Variants in FAXC observed in about 807,000 individuals in gnomAD.
FAXC encodes failed axon connections homolog.
FAXC carries 10 observed loss-of-function variants against 41.9 expected under a neutral mutation model. The observed-to-expected ratio is 0.24, with a 90% CI of 0.15 to 0.41. The LOEUF is 0.41. FAXC is among the 10% of genes least tolerant of loss of function. FAXC has a pLI of 1.00. For synonymous variants in FAXC, 183 were observed against 183.8 expected (o/e 1.00, Z 0.03); for missense variants, 399 against 510.9 (o/e 0.78, Z 2.11).
chr6:99,342,827 C>G, intron 2 of FAXC, 71 bp downstream of exon 2: 2 of 1,441,550 alleles, frequency 1.4e-6, no homozygotes, highest in Non-Finnish European at 9.3e-7. Flanking sequence ...ACGAAATATT[C>G]CCCCCTTTAG....
rs1770461064 is a variant in FAXC, at chr6:99,272,807, T to C, written c.*8357A>G. The stretch of plus-strand genomic sequence containing the variant: ...TCCCAGTCATCTAAGAGACCACCAC[T>C]TAACAGTATATTAGATGCAAACATT... On this transcript the variant is annotated 3_prime_UTR_variant, in exon 6 of 6. Coordinates refer to ENST00000389677, the MANE Select transcript of FAXC (RefSeq NM_032511.4). 4 of 152,324 alleles carry C rather than the reference T, an allele frequency of 2.6e-5. No individual in the cohort carries two copies. The South Asian group carries it at 8.3e-4, about 32-fold the overall frequency. 9.4% of individuals were successfully genotyped at this position (152,324 alleles called of 1,614,324 possible).
rs1237015448 is a variant in FAXC at position 99,276,166 on chromosome 6, AAAAG to A, written c.*4994_*4997del. 5 of 151,920 alleles carry A rather than the reference AAAAG, an allele frequency of 3.3e-5. No individual in the cohort carries two copies. Among genetic ancestry groups the A allele is most frequent in the South Asian group, 2.1e-4 (1 of 4,806 alleles). The allele number at this position is 151,920 out of a possible 1,614,324, so 9.4% of individuals were successfully genotyped here. ...TCTGTTTAAAAAAAAAAAAAACCCTAAAAGAAAGAAAGAAGAATAACCTGAGTTG... is the reference window on the plus strand; with the variant it reads ...TCTGTTTAAAAAAAAAAAAAACCCTAAAAGAAAGAAGAATAACCTGAGTTG... On this transcript the variant is annotated 3_prime_UTR_variant, in exon 6 of 6. Coordinates refer to ENST00000389677, the MANE Select transcript of FAXC (RefSeq NM_032511.4).
intron 4 of FAXC, among the ~76,000 whole-genome samples, chr6:99,315,157 TG>T (rs990234271): frequency 7.1e-6 from 1 of 140,448 alleles, no homozygotes. Context: ...CACTTGAACT[TG>T]GGAGGCGGAG....
chr6:99,284,940 G>C (rs1770971102), intron 5 of FAXC, among the ~76,000 whole-genome samples: 1 of 149,124 alleles, frequency 6.7e-6, no homozygotes, highest in African/African-American at 2.5e-5. Flanking sequence ...CTATACAGAA[G>C]ACATAAGTTT....
chr6:99,280,166 A>G lies in FAXC; in HGVS notation c.*998T>C, dbSNP rs1451422624. ...GAAAGAACCACTTTTCTGCAAATAC[A>G]TGGTAGAATTGAAGACTGTTTGTAG... On this transcript the variant is annotated 3_prime_UTR_variant, in exon 6 of 6. Coordinates refer to ENST00000389677, the MANE Select transcript of FAXC (RefSeq NM_032511.4). 1 of 152,238 alleles carries G rather than the reference A, an allele frequency of 6.6e-6. No individual in the cohort carries two copies. The highest frequency in any genetic ancestry group is 1.5e-5 in the Non-Finnish European group (1 of 68,052). 9.4% of individuals were successfully genotyped at this position (152,238 alleles called of 1,614,324 possible). A position where few individuals can be genotyped will look rare whatever the true frequency, so the allele number is the denominator to read the frequency against.
chr6:99,283,756 A>T (rs1770917123), intron 5 of FAXC, among the ~76,000 whole-genome samples: 1 of 152,198 alleles, frequency 6.6e-6, no homozygotes, highest in East Asian at 1.9e-4. Flanking sequence ...CAAGAGAAAA[A>T]AAAAATATCT....
rs1001059114 is a variant in FAXC at position 99,279,749 on chromosome 6, C to T, written c.*1415G>A. The T allele has an allele frequency of 1.3e-5, 2 of 152,100 alleles. No individual in the cohort carries two copies. The highest frequency in any genetic ancestry group is 1.9e-4 in the East Asian group (1 of 5,192). 9.4% of individuals were successfully genotyped at this position (152,100 alleles called of 1,614,324 possible). On this transcript the variant is annotated 3_prime_UTR_variant, in exon 6 of 6. Coordinates refer to ENST00000389677, the MANE Select transcript of FAXC (RefSeq NM_032511.4). ...AAATATGGGTAAGCCAACAGTTCAT[C>T]GAATACTATAGGGAAAGAGAGAGAG...
chr6:99,309,395 A>G (rs1363336535), intron 4 of FAXC, among the ~76,000 whole-genome samples: 1 of 152,220 alleles, frequency 6.6e-6, no homozygotes, highest in Non-Finnish European at 1.5e-5. Flanking sequence ...GTAAGCCACA[A>G]GGATTTCTAA....
At chr6:99,309,990 G>C (rs1052153484) in intron 4 of FAXC, 2 of 731,392 alleles carry the variant, frequency 2.7e-6, no homozygotes, top group African/African-American at 3.8e-5. Context: ...AGTGGCCTTA[G>C]ACCCATTCCC....
At chr6:99,293,912 A>G (rs1771358136) in intron 4 of FAXC, among the ~76,000 whole-genome samples, 2 of 152,126 alleles carry the variant, frequency 1.3e-5, no homozygotes, top group African/African-American at 4.8e-5. Flanking sequence ...GAAACTGAGT[A>G]TCTGATGACA....
At chr6:99,289,774 T>C (rs528353938) in intron 5 of FAXC, among the ~76,000 whole-genome samples, 290 of 151,648 alleles carry the variant, frequency 1.9e-3, no homozygotes, top group Non-Finnish European at 3.3e-3. Flanking sequence ...CCAAACATCA[T>C]ACATTAGTTT....
At chr6:99,313,125 G>T (rs669194) in intron 4 of FAXC, among the ~76,000 whole-genome samples, 133,126 of 152,150 alleles carry the variant, frequency 0.87, 58,735 homozygotes, top group East Asian at 1. Context: ...AAACCTCATC[G>T]CTACAAAAAA....
At position 99,274,729 on chromosome 6, in the gene FAXC, CTTAT is replaced by C. The variant is rs1770538783; in HGVS notation, c.*6431_*6434del. 6.6e-6 allele frequency: 1 copy of C among 152,094 alleles called. No individual in the cohort carries two copies. The highest frequency in any genetic ancestry group is 1.5e-5 in the Non-Finnish European group (1 of 68,014). 9.4% of individuals were successfully genotyped at this position (152,094 alleles called of 1,614,324 possible). A position where few individuals can be genotyped will look rare whatever the true frequency, so the allele number is the denominator to read the frequency against. Reference sequence around the variant, plus strand: ...CCCTACTGAAGCAGAAGCCTTTAGCCTTATTTCTGTAAAAAACAAATCCCAGGCA... The same window carrying C: ...CCCTACTGAAGCAGAAGCCTTTAGCCTTCTGTAAAAAACAAATCCCAGGCA... On this transcript the variant is annotated 3_prime_UTR_variant, in exon 6 of 6. Coordinates refer to ENST00000389677, the MANE Select transcript of FAXC (RefSeq NM_032511.4).
rs1772473666 is a variant in FAXC, at chr6:99,318,833, C to A, written c.823+4611G>T. Among the ~76,000 whole-genome samples, 3 of 152,174 alleles carry A rather than the reference C, an allele frequency of 2.0e-5. No homozygotes were observed. In the South Asian group the frequency reaches 6.2e-4, roughly 31 times the overall value. On this transcript the variant is annotated intron_variant, in intron 4 of 5. Transcript: ENST00000389677. ...TAAGCGGTGATGCCCCAGATGTGAACCCGGGATCTGACTCCAGGATTCCCA... is the reference window on the plus strand; with the variant it reads ...TAAGCGGTGATGCCCCAGATGTGAAACCGGGATCTGACTCCAGGATTCCCA...
At chr6:99,303,123 C>A (rs1771777110) in intron 4 of FAXC, among the ~76,000 whole-genome samples, 1 of 152,142 alleles carries the variant, frequency 6.6e-6, no homozygotes, top group Non-Finnish European at 1.5e-5. Flanking sequence ...ATAGGCAATG[C>A]TAAATAACCT....
rs112555476 is a variant in FAXC, at chr6:99,290,306, C to T, written c.940+1398G>A. 6.6e-3 allele frequency among the ~76,000 whole-genome samples: 1,008 copies of T among 152,096 alleles called. 8 individuals carry two copies. Among genetic ancestry groups the T allele is most frequent in the African/African-American group, 0.024 (988 of 41,482 alleles). On this transcript the variant is annotated intron_variant, in intron 5 of 5. Coordinates refer to ENST00000389677, the MANE Select transcript of FAXC (RefSeq NM_032511.4). ...TACGTATCCTTGCTCCTTAGCTTCC[C>T]CTCTCATATCTCTTGTAATTCTGAT...
In FAXC at chr6:99,280,410, CTG is replaced by C. The variant is rs1468630876; in HGVS notation, c.*752_*753del. ...ATGAAGTGCAATAAAGAATAAAATG[CTG>C]TGTTTATGTCGCACCACTTCTAAGA... On this transcript the variant is annotated 3_prime_UTR_variant, in exon 6 of 6. Transcript: ENST00000389677. The C allele has an allele frequency of 1.3e-5, 2 of 152,250 alleles. No homozygotes were observed. The highest frequency in any genetic ancestry group is 4.8e-5 in the African/African-American group (2 of 41,458). 9.4% of individuals were successfully genotyped at this position (152,250 alleles called of 1,614,324 possible). A position where few individuals can be genotyped will look rare whatever the true frequency, so the allele number is the denominator to read the frequency against.
intron 3 of FAXC, among the ~76,000 whole-genome samples, chr6:99,327,949 C>T (rs937330874): frequency 2.0e-5 from 3 of 152,206 alleles, no homozygotes; most frequent in African/African-American, 7.2e-5. Context: ...CCTGACATCC[C>T]CTCAAGGCCC....
intron 4 of FAXC, among the ~76,000 whole-genome samples, chr6:99,313,786 C>G (rs1483682150): frequency 6.6e-6 from 1 of 152,142 alleles, no homozygotes; most frequent in African/African-American, 2.4e-5. Flanking sequence ...GCCACCTGTC[C>G]TGGCACCATT....
Sources: gnomAD v4.1 joint callset for allele counts (sites outside exome capture counted in the v4.1 genomes callset) on GRCh38, gnomAD v4.1.1 for gene constraint, MANE v1.5 for transcripts, NCBI Gene and HGNC (gene_info 2026-07-23, HGNC 2026-07-21) for gene names.